The following ACAP2 variants were observed in gnomAD, a reference collection of about 807,000 sequenced individuals.
The protein encoded by ACAP2 is arf-GAP with coiled-coil, ANK repeat and PH domain-containing protein 2.
Under a neutral mutation model 115.8 loss-of-function variants are expected in ACAP2, and 39 were observed. The observed-to-expected ratio is 0.34, with a 90% confidence interval of 0.26 to 0.44. The LOEUF is 0.44. Among genes scored for constraint, ACAP2 ranks in the 20% least tolerant of loss-of-function variants. The pLI, the probability that ACAP2 is intolerant of heterozygous loss-of-function variation, is 1.00. For synonymous variants in ACAP2, 289 were observed against 315.8 expected, an observed-to-expected ratio of 0.92 and a Z score of 0.90; for missense variants, 662 against 927.6, an observed-to-expected ratio of 0.71 and a Z score of 3.72.
intron 4 of ACAP2, among the ~76,000 whole-genome samples, chr3:195,345,858 C>A (rs1410458664): frequency 3.9e-5 from 6 of 152,142 alleles, no homozygotes; most frequent in Non-Finnish European, 8.8e-5. Context: ...AAATTTTATT[C>A]CTCCAGATAG....
intron 17 of ACAP2, chr3:195,295,127 A>C: frequency 1.2e-6 from 1 of 859,596 alleles, no homozygotes. Flanking sequence ...GGTAACATCT[A>C]GAGAAATGGC....
rs1253038689 is a variant in ACAP2 at position 195,308,644 on chromosome 3, C to T, written c.909+142G>A. 3 of 683,666 alleles carry T rather than the reference C, an allele frequency of 4.4e-6. No individual in the cohort carries two copies. In the East Asian group the frequency reaches 9.4e-5, roughly 21 times the overall value. The allele number at this position is 683,666 out of a possible 1,614,324, so 42.3% of individuals were successfully genotyped here. ...TGTTGATATTTTCCACCCTAGAGTC[C>T]TCTTATACCTGCTCAAACATAAAAC... is the stretch of plus-strand genomic sequence containing the variant. On this transcript the variant is annotated intron_variant, in intron 11 of 22. Transcript: ENST00000326793.
chr3:195,305,657 T>C (rs981876521), intron 13 of ACAP2, among the ~76,000 whole-genome samples: 7 of 152,130 alleles, frequency 4.6e-5, no homozygotes, highest in Non-Finnish European at 1.0e-4. Flanking sequence ...ATTGGAGAAG[T>C]GTGATTCTAG....
At chr3:195,435,883 T>G (rs1715499577) in intron 1 of ACAP2, among the ~76,000 whole-genome samples, 1 of 152,110 alleles carries the variant, frequency 6.6e-6, no homozygotes, top group South Asian at 2.1e-4. Context: ...ATAGCACTGT[T>G]CACATCTTCT....
At chr3:195,371,675 G>A (rs760796727) in intron 4 of ACAP2, among the ~76,000 whole-genome samples, 35 of 152,108 alleles carry the variant, frequency 2.3e-4, no homozygotes, top group Non-Finnish European at 4.9e-4. Context: ...TTATTTTTGA[G>A]ACAGTCTTCC....
intron 9 of ACAP2, among the ~76,000 whole-genome samples, chr3:195,323,290 G>A (rs1375301351): frequency 1.3e-5 from 2 of 152,064 alleles, no homozygotes; most frequent in Admixed American, 1.3e-4. Context: ...CATCATTATT[G>A]GTAGATGATA....
chr3:195,285,135 C>T (rs541293369), intron 22 of ACAP2, among the ~76,000 whole-genome samples: 57 of 152,254 alleles, frequency 3.7e-4, no homozygotes, highest in Non-Finnish European at 1.0e-4. Context: ...GGAGGCAAAG[C>T]TTTAGCTTTA....
intron 4 of ACAP2, among the ~76,000 whole-genome samples, chr3:195,372,990 A>AAAAAAAAAAAAAAAAAAAAAAAG (rs1733269220): frequency 7.4e-6 from 1 of 134,716 alleles, no homozygotes; most frequent in Non-Finnish European, 1.6e-5. Flanking sequence ...TCCATCTCAA[A>AAAAAAAAAAAAAAAAAAAAAAAG]AAAAAAAAAA....
intron 2 of ACAP2, among the ~76,000 whole-genome samples, chr3:195,389,457 G>A (rs7616598): frequency 0.27 from 41,319 of 151,924 alleles, 6,363 homozygotes; most frequent in East Asian, 0.71. Context: ...CTTATTTCAT[G>A]TATATAATAC....
At chr3:195,376,489 G>A (rs1733550568) in intron 4 of ACAP2, among the ~76,000 whole-genome samples, 1 of 152,044 alleles carries the variant, frequency 6.6e-6, no homozygotes, top group Non-Finnish European at 1.5e-5. Flanking sequence ...GTTGCAGTGA[G>A]CCAAGATCGC....
intron 1 of ACAP2, among the ~76,000 whole-genome samples, chr3:195,431,137 T>C (rs751915581): frequency 3.3e-5 from 5 of 152,230 alleles, no homozygotes; most frequent in Non-Finnish European, 7.3e-5. Flanking sequence ...AATTATATAA[T>C]ATATGGCTTT....
intron 4 of ACAP2, among the ~76,000 whole-genome samples, chr3:195,347,791 T>C (rs1253973048): frequency 6.6e-6 from 1 of 152,174 alleles, no homozygotes; most frequent in African/African-American, 2.4e-5. Flanking sequence ...GAGGATCCCA[T>C]GAGGCCAGGA....
At chr3:195,377,583 C>G (rs527774835) in intron 4 of ACAP2, among the ~76,000 whole-genome samples, 183 of 152,082 alleles carry the variant, frequency 1.2e-3, no homozygotes, top group African/African-American at 4.2e-3. Context: ...TATAACAGGG[C>G]TATGATGAGG....
At chr3:195,424,348 G>C (rs1400830679) in intron 1 of ACAP2, among the ~76,000 whole-genome samples, 2 of 135,374 alleles carry the variant, frequency 1.5e-5, no homozygotes, top group African/African-American at 5.6e-5. Context: ...AGGCTGGAGT[G>C]CAGTGGCGTG....
At chr3:195,436,126 TATATA>T (rs1715522765) in intron 1 of ACAP2, among the ~76,000 whole-genome samples, 1 of 132,654 alleles carries the variant, frequency 7.5e-6, no homozygotes, top group Non-Finnish European at 1.6e-5. Flanking sequence ...TATGTATATA[TATATA>T]TATTTTTTTT....
chr3:195,424,562 G>A (rs1290075051), intron 1 of ACAP2, among the ~76,000 whole-genome samples: 1 of 151,330 alleles, frequency 6.6e-6, no homozygotes, highest in Non-Finnish European at 1.5e-5. Flanking sequence ...GCCTCCCAAA[G>A]TGCTGGGATT....
intron 4 of ACAP2, among the ~76,000 whole-genome samples, chr3:195,355,084 G>A (rs1449946828): frequency 6.6e-6 from 1 of 151,998 alleles, no homozygotes; most frequent in South Asian, 2.1e-4. Context: ...GCCTGATCTC[G>A]AACTCCTGAC....
intron 8 of ACAP2, 99 bp downstream of exon 8, chr3:195,332,929 G>A (rs146754250): frequency 1.9e-5 from 15 of 777,170 alleles, no homozygotes; most frequent in Middle Eastern, 2.3e-4. Flanking sequence ...CTTTATAGCA[G>A]TGTGAGAACA....
chr3:195,337,069 CT>C, intron 6 of ACAP2, 93 bp from the exon 7 acceptor site: 1 of 1,203,104 alleles, frequency 8.3e-7, no homozygotes, highest in Admixed American at 2.7e-5. Context: ...TGGTTTAATA[CT>C]TTTCGAAAAA....
Sources: gnomAD v4.1 joint callset for allele counts (sites outside exome capture counted in the v4.1 genomes callset) on GRCh38, gnomAD v4.1.1 for gene constraint, MANE v1.5 for transcripts, NCBI Gene and HGNC (gene_info 2026-07-23, HGNC 2026-07-21) for gene names.